Variants in CSMD1 observed in about 807,000 individuals in gnomAD.
The protein encoded by CSMD1 is CUB and sushi domain-containing protein 1.
A neutral mutation model predicts 417.5 loss-of-function variants in CSMD1; 213 were observed. The observed-to-expected ratio is 0.51, with a 90% confidence interval of 0.46 to 0.57. CSMD1 has a LOEUF of 0.57. CSMD1 is among the 20% of genes least tolerant of loss of function. CSMD1 has a pLI of 0.00. For missense variants in CSMD1, 6,923 were observed against 4,529.7 expected (o/e 1.53, Z -15.17); for synonymous variants, 2,862 against 1,736.8 (o/e 1.65, Z -16.11).
At chr8:3,278,699 T>C (rs887258476) in intron 26 of CSMD1, 2 of 152,128 alleles carry the variant, frequency 1.3e-5, no homozygotes, top group African/African-American at 4.8e-5. Context: ...AAATGAGAGA[T>C]TTCCATCTTC....
At chr8:4,638,928 T>G (rs1022641099) in intron 1 of CSMD1, among the ~76,000 whole-genome samples, 1 of 152,182 alleles carries the variant, frequency 6.6e-6, no homozygotes, top group African/African-American at 2.4e-5. Flanking sequence ...ACTCCCAGAC[T>G]GCTGGAGTAG....
At chr8:3,270,577 A>G (rs6991834) in intron 26 of CSMD1, among the ~76,000 whole-genome samples, 40,857 of 152,058 alleles carry the variant, frequency 0.27, 5,767 homozygotes, top group African/African-American at 0.34. Context: ...AAGAATTATA[A>G]CACTTAACAG....
At position 3,219,427 on chromosome 8, in the gene CSMD1, G is replaced by A; in HGVS notation, c.4500C>T (p.Pro1500=). 3 of 1,503,866 alleles carry A rather than the reference G, an allele frequency of 2.0e-6. No individual in the cohort carries two copies. The allele number at this position is 1,503,866 out of a possible 1,614,324, so 93.2% of individuals were successfully genotyped here. A position where few individuals can be genotyped will look rare whatever the true frequency, so the allele number is the denominator to read the frequency against. ...ALIFKSFNME[P]SYDFLHIYEG... is the part of the protein sequence containing the mutation. ...CATAGATGTGTAGGAAGTCATAGCT[G>A]GGCTCCATGTTGAAACTAAAGAAAA... is the stretch of plus-strand genomic sequence containing the variant. The change falls in exon 29 of 70, where the codon CCC becomes CCT. Residue 1500 remains proline, a synonymous_variant. Coordinates refer to ENST00000635120, the MANE Select transcript of CSMD1 (RefSeq NM_033225.6).
intron 1 of CSMD1, among the ~76,000 whole-genome samples, chr8:4,836,314 C>A (rs1053805583): frequency 4.9e-4 from 75 of 152,276 alleles, no homozygotes; most frequent in African/African-American, 1.7e-3. Flanking sequence ...AATTAACACA[C>A]TTTAGCAGTG....
intron 21 of CSMD1, among the ~76,000 whole-genome samples, chr8:3,358,280 C>A (rs1265734593): frequency 2.0e-5 from 3 of 152,192 alleles, no homozygotes; most frequent in African/African-American, 4.8e-5. Context: ...CTCTCATCTC[C>A]CTTTTTTCTT....
chr8:4,063,661 G>A (rs1244294068), intron 3 of CSMD1, among the ~76,000 whole-genome samples: 1 of 152,166 alleles, frequency 6.6e-6, no homozygotes, highest in African/African-American at 2.4e-5. Context: ...CTCCCTGAGG[G>A]GCATTCTACC....
At chr8:4,202,729 C>G (rs1473281541) in intron 3 of CSMD1, among the ~76,000 whole-genome samples, 1 of 152,134 alleles carries the variant, frequency 6.6e-6, no homozygotes, top group Non-Finnish European at 1.5e-5. Flanking sequence ...CAAATATTTA[C>G]TTAATAACTA....
At chr8:3,305,527 A>T (rs746745510) in intron 25 of CSMD1, among the ~76,000 whole-genome samples, 17 of 152,050 alleles carry the variant, frequency 1.1e-4, no homozygotes, top group Admixed American at 3.3e-4. Context: ...CCCTGATAAA[A>T]GGTTAAGCTT....
At chr8:4,799,509 G>A (rs1376730694) in intron 1 of CSMD1, among the ~76,000 whole-genome samples, 1 of 143,580 alleles carries the variant, frequency 7.0e-6, no homozygotes, top group South Asian at 2.2e-4. Flanking sequence ...TGGGGCAGGA[G>A]AATTGCTTGA....
At position 3,408,031 on chromosome 8, in the gene CSMD1, C is replaced by T. The variant is rs1348669359; in HGVS notation, c.1939G>A (p.Asp647Asn). The change falls in exon 14 of 70, where the codon GAC (aspartate) becomes AAC (asparagine). Residue 647 changes from aspartate to asparagine, a missense_variant. Transcript: ENST00000635120. ...FLAVKDDGIS[D>N]ITVLGTFSGN... is the part of the protein sequence containing the mutation. Reference sequence around the variant, plus strand: ...GAAAAAGTACCCAGGACAGTTATGTCAGAAATGCCATCATCCTTGACCGCG... The same window carrying T: ...GAAAAAGTACCCAGGACAGTTATGTTAGAAATGCCATCATCCTTGACCGCG... The T allele has an allele frequency of 3.7e-6, 6 of 1,613,778 alleles. No homozygotes were observed. The Admixed American group carries it at 8.3e-5, about 22-fold the overall frequency.
chr8:3,356,385 G>C (rs1257281555), intron 21 of CSMD1, among the ~76,000 whole-genome samples: 3 of 152,158 alleles, frequency 2.0e-5, no homozygotes, highest in Non-Finnish European at 4.4e-5. Context: ...AAGAGATGAA[G>C]ACAACTTGAG....
intron 3 of CSMD1, among the ~76,000 whole-genome samples, chr8:4,238,604 T>C (rs764969337): frequency 2.6e-5 from 4 of 152,178 alleles, no homozygotes; most frequent in Non-Finnish European, 5.9e-5. Flanking sequence ...ACTTCAGTCT[T>C]CTCACTTAAA....
chr8:3,995,938 A>C (rs1377562465), intron 5 of CSMD1, among the ~76,000 whole-genome samples: 1 of 152,126 alleles, frequency 6.6e-6, no homozygotes, highest in African/African-American at 2.4e-5. Context: ...GATGTAGAAG[A>C]TGTCTTCCAG....
intron 36 of CSMD1, among the ~76,000 whole-genome samples, chr8:3,185,157 G>A (rs149481850): frequency 1.3e-5 from 2 of 152,348 alleles, no homozygotes; most frequent in East Asian, 3.9e-4. Context: ...GCTTGCAGCT[G>A]ACGTCAGAGG....
At chr8:4,305,518 G>T (rs1005573310) in intron 3 of CSMD1, among the ~76,000 whole-genome samples, 1 of 152,196 alleles carries the variant, frequency 6.6e-6, no homozygotes, top group Non-Finnish European at 1.5e-5. Context: ...GGGCAGAGCG[G>T]TGTCACAGAA....
chr8:3,084,176 T>C (rs1164575376), intron 49 of CSMD1, among the ~76,000 whole-genome samples: 1 of 152,088 alleles, frequency 6.6e-6, no homozygotes, highest in Non-Finnish European at 1.5e-5. Context: ...CTTTCTGTCA[T>C]ATGAGGCCAA....
At chr8:4,331,688 C>T (rs1304461393) in intron 3 of CSMD1, among the ~76,000 whole-genome samples, 1 of 152,104 alleles carries the variant, frequency 6.6e-6, no homozygotes, top group Non-Finnish European at 1.5e-5. Context: ...CCAGTTAGGT[C>T]ATTTCAATGT....
chr8:3,445,684 G>A lies in CSMD1; in HGVS notation c.1561+23028C>T, dbSNP rs188388563. ...GAAATACGTCGGAACTAGAGGGGAC[G>A]AGAGGAAACAAGGCCATGTAGCAAA... On this transcript the variant is annotated intron_variant, in intron 12 of 69. Transcript: ENST00000635120. Among the ~76,000 whole-genome samples, 19 of 152,216 alleles carry A rather than the reference G, an allele frequency of 1.2e-4. No homozygotes were observed. The East Asian group carries it at 3.1e-3, about 25-fold the overall frequency.
At chr8:3,047,213 CAAAA>C (rs749861179) in intron 50 of CSMD1, among the ~76,000 whole-genome samples, 1,474 of 73,006 alleles carry the variant, frequency 0.02, 13 homozygotes, top group Middle Eastern at 0.08. Context: ...GACTCCCTCT[CAAAA>C]AAAAAAAAAA....
Sources: gnomAD v4.1 joint callset for allele counts (sites outside exome capture counted in the v4.1 genomes callset) on GRCh38, gnomAD v4.1.1 for gene constraint, MANE v1.5 for transcripts, NCBI Gene and HGNC (gene_info 2026-07-23, HGNC 2026-07-21) for gene names.